Variants in STX8 observed in about 807,000 individuals in gnomAD.
The protein encoded by STX8 is syntaxin-8.
A neutral mutation model predicts 37.5 loss-of-function variants in STX8; 23 were observed. The observed-to-expected ratio is 0.61, with a 90% CI of 0.44 to 0.87. The LOEUF (loss-of-function observed/expected upper bound fraction) is 0.87. Ranked by LOEUF, STX8 falls within the 40% of genes least tolerant of loss-of-function variation. The pLI, the probability that STX8 is intolerant of heterozygous loss-of-function variation, is 0.00. For missense variants in STX8, 313 were observed against 284.7 expected (o/e 1.10, Z -0.71); for synonymous variants, 115 against 99.1 (o/e 1.16, Z -0.95).
At chr17:9,324,103 CTCTCTG>C (rs1204492862) in intron 7 of STX8, among the ~76,000 whole-genome samples, 2 of 141,302 alleles carry the variant, frequency 1.4e-5, no homozygotes, top group African/African-American at 5.7e-5. Context: ...CTCTCTCTCT[CTCTCTG>C]TCTCTCTCTC....
intron 6 of STX8, among the ~76,000 whole-genome samples, chr17:9,388,962 C>T (rs1356255758): frequency 1.3e-5 from 2 of 152,090 alleles, no homozygotes; most frequent in Admixed American, 6.5e-5. Context: ...ATAAAATAAC[C>T]ATTCCTTAAA....
intron 7 of STX8, among the ~76,000 whole-genome samples, chr17:9,286,947 G>A (rs1304913781): frequency 6.6e-6 from 1 of 152,136 alleles, no homozygotes; most frequent in Non-Finnish European, 1.5e-5. Flanking sequence ...TCTTGTCTGT[G>A]ATATGGGAAT....
intron 6 of STX8, among the ~76,000 whole-genome samples, chr17:9,420,973 T>C (rs531591745): frequency 1.3e-5 from 2 of 152,318 alleles, no homozygotes; most frequent in East Asian, 3.9e-4. Context: ...CAGCGGGCTC[T>C]CTGACCTCCC....
chr17:9,525,773 G>A lies in STX8; in HGVS notation c.323+19399C>T, dbSNP rs138120519. Among the ~76,000 whole-genome samples the A allele has an allele frequency of 6.8e-3, 1,028 of 152,246 alleles. 16 individuals are homozygous for A. Among genetic ancestry groups the A allele is most frequent in the African/African-American group, 0.024 (994 of 41,558 alleles). Reference sequence around the variant, plus strand: ...CAAGATAGAAAGACATCCCCACATGGCCTGCTATCTCTGTACTCCCTTCTG... The same window carrying A: ...CAAGATAGAAAGACATCCCCACATGACCTGCTATCTCTGTACTCCCTTCTG... On this transcript the variant is annotated intron_variant, in intron 4 of 7. Transcript: ENST00000306357.
At chr17:9,358,613 C>T (rs1399084816) in intron 7 of STX8, among the ~76,000 whole-genome samples, 4 of 152,128 alleles carry the variant, frequency 2.6e-5, no homozygotes, top group Non-Finnish European at 4.4e-5. Flanking sequence ...GCCCCATGTT[C>T]GGTGACACAT....
At chr17:9,428,837 A>G (rs1913738524) in intron 6 of STX8, among the ~76,000 whole-genome samples, 1 of 152,192 alleles carries the variant, frequency 6.6e-6, no homozygotes, top group Non-Finnish European at 1.5e-5. Context: ...TAGCCACATT[A>G]TAAGAGCTCA....
intron 7 of STX8, among the ~76,000 whole-genome samples, chr17:9,319,955 T>A (rs113551197): frequency 0.072 from 10,899 of 150,420 alleles, 1,262 homozygotes; most frequent in African/African-American, 0.25. Flanking sequence ...ATCTCAAAAA[T>A]AAATAAATAA....
intron 7 of STX8, among the ~76,000 whole-genome samples, chr17:9,353,156 C>T (rs1378434609): frequency 2.0e-5 from 3 of 152,146 alleles, no homozygotes; most frequent in Non-Finnish European, 4.4e-5. Flanking sequence ...ACTTTGGCTT[C>T]CCAAAGTGCT....
intron 7 of STX8, among the ~76,000 whole-genome samples, chr17:9,357,310 CTGAG>C (rs896098920): frequency 2.0e-5 from 3 of 152,140 alleles, no homozygotes; most frequent in African/African-American, 7.2e-5. Context: ...TCTGTCTCCT[CTGAG>C]TGAAATACCT....
At chr17:9,459,811 G>A (rs1905297851) in intron 6 of STX8, among the ~76,000 whole-genome samples, 1 of 152,234 alleles carries the variant, frequency 6.6e-6, no homozygotes, top group African/African-American at 2.4e-5. Context: ...CACCACGCCT[G>A]GCCAATATGC....
chr17:9,541,437 A>G (rs1268408885), intron 4 of STX8, among the ~76,000 whole-genome samples: 1 of 152,222 alleles, frequency 6.6e-6, no homozygotes, highest in East Asian at 1.9e-4. Context: ...GTTCCCTCCT[A>G]GCCGGATGGA....
At chr17:9,489,181 GTTGTT>G (rs1205099097) in intron 6 of STX8, among the ~76,000 whole-genome samples, 1 of 152,112 alleles carries the variant, frequency 6.6e-6, no homozygotes, top group Non-Finnish European at 1.5e-5. Flanking sequence ...CCAGCCTTGT[GTTGTT>G]TTAAGCCACT....
intron 5 of STX8, among the ~76,000 whole-genome samples, chr17:9,496,475 G>A (rs1294814122): frequency 6.6e-6 from 1 of 151,992 alleles, no homozygotes; most frequent in Admixed American, 6.6e-5. Context: ...ATCACAAGAG[G>A]GCAATTGTAA....
chr17:9,570,397 T>G (rs1907641693), intron 1 of STX8, among the ~76,000 whole-genome samples: 1 of 152,008 alleles, frequency 6.6e-6, no homozygotes, highest in Non-Finnish European at 1.5e-5. Context: ...AGCAGCACCA[T>G]TCATGTATAT....
At chr17:9,326,807 A>G (rs188599538) in intron 7 of STX8, among the ~76,000 whole-genome samples, 45 of 152,344 alleles carry the variant, frequency 3.0e-4, no homozygotes, top group African/African-American at 5.3e-4. Flanking sequence ...GGTTAAGAAG[A>G]CAGAGGCATA....
rs1027930198 is a variant in STX8, at chr17:9,343,429, T to G, written c.643+35123A>C. On this transcript the variant is annotated intron_variant, in intron 7 of 7. Transcript: ENST00000306357. Reference sequence around the variant, plus strand: ...ACAGCCAAACTGATCATTGTAACTGTTTTCTCTCTTAAAATAAACCCCATG... The same window carrying G: ...ACAGCCAAACTGATCATTGTAACTGGTTTCTCTCTTAAAATAAACCCCATG... Among the ~76,000 whole-genome samples, 40 of 35,730 alleles carry G rather than the reference T, an allele frequency of 1.1e-3. No individual in the cohort carries two copies. In the Admixed American group the frequency reaches 0.015, roughly 13 times the overall value. 23.4% of individuals were successfully genotyped at this position (35,730 alleles called of 152,430 possible). A position where few individuals can be genotyped will look rare whatever the true frequency, so the allele number is the denominator to read the frequency against.
intron 6 of STX8, among the ~76,000 whole-genome samples, chr17:9,480,420 C>T (rs937177983): frequency 5.9e-5 from 9 of 152,076 alleles, no homozygotes; most frequent in South Asian, 4.2e-4. Flanking sequence ...AGGATAGCTA[C>T]GGAGCTAGTC....
intron 2 of STX8, among the ~76,000 whole-genome samples, chr17:9,565,442 C>G (rs895434118): frequency 4.0e-5 from 6 of 151,794 alleles, no homozygotes; most frequent in Non-Finnish European, 5.9e-5. Flanking sequence ...ATGGCGAAAC[C>G]CTCTCTCTAA....
chr17:9,253,207 G>GGTGTGTGTGTGTGT (rs36048368), intron 7 of STX8, among the ~76,000 whole-genome samples: 5,979 of 140,910 alleles, frequency 0.042, 158 homozygotes, highest in Non-Finnish European at 0.048. Context: ...CAGGGGTAGG[G>GGTGTGTGTGTGTGT]GTGTGTGTGT....
Sources: allele counts gnomAD v4.1 joint callset (sites outside exome capture counted in the v4.1 genomes callset), GRCh38; gene constraint gnomAD v4.1.1; transcripts MANE v1.5; gene names NCBI Gene and HGNC (gene_info 2026-07-23, HGNC 2026-07-21).